Variants in POLDIP2 observed in about 807,000 individuals in gnomAD.
POLDIP2 encodes DNA polymerase delta interacting protein 2, also known as polymerase delta-interacting protein 2.
Under a neutral mutation model 52.9 loss-of-function variants are expected in POLDIP2, and 32 were observed. That is an observed-to-expected ratio of 0.61 (90% CI 0.46 to 0.81). The LOEUF is 0.81. Ranked by LOEUF, POLDIP2 falls within the 40% of genes least tolerant of loss-of-function variation. The pLI is 0.00. For missense variants in POLDIP2, 371 were observed against 477.3 expected, an observed-to-expected ratio of 0.78 and a Z score of 2.07; for synonymous variants, 183 against 183.0, an observed-to-expected ratio of 1.00 and a Z score of 0.00.
At position 28,351,699 on chromosome 17, in the gene POLDIP2, G is replaced by A; in HGVS notation, c.724C>T (p.Arg242Cys). ...DVHRETTENI[R>C]VTVIPFYMGM... ...ATGTAGAAGGGGATGACAGTGACAC[G>A]TATGTTCTCAGTTGTTTCCCGATGA... Residue 242 changes from arginine to cysteine, a missense_variant, in exon 7 of 11, where the codon CGT (arginine) becomes TGT (cysteine). Coordinates refer to ENST00000540200, the MANE Select transcript of POLDIP2 (RefSeq NM_015584.5). 1.9e-6 allele frequency: 3 copies of A among 1,613,830 alleles called. No homozygotes were observed. Among genetic ancestry groups the A allele is most frequent in the Non-Finnish European group, 2.5e-6 (3 of 1,179,742 alleles).
intron 6 of POLDIP2, among the ~76,000 whole-genome samples, chr17:28,352,311 CACT>C (rs1907830125): frequency 7.7e-6 from 1 of 129,122 alleles, no homozygotes; most frequent in South Asian, 2.5e-4. Context: ...GATCTCAGCT[CACT>C]ACAACCTGTG....
Position 28,350,552 on chromosome 17 carries a change from A to G in POLDIP2, c.798T>C (p.Cys266=). Residue 266 remains cysteine (C), a synonymous_variant, in exon 9 of 11, where the codon TGT becomes TGC. Transcript: ENST00000540200. ...QNSHVYWWRY[C]IRLENLDSDV... is the part of the protein sequence containing the mutation. The stretch of plus-strand genomic sequence containing the variant: ...CACTGTCAAGGTTCTCCAAACGGAT[A>G]CAGTAGCGCCACTGAGGTGGGTGTG... 6.2e-7 allele frequency: 1 copy of G among 1,613,314 alleles called. No homozygotes were observed. The highest frequency in any genetic ancestry group is 8.5e-7 in the Non-Finnish European group (1 of 1,179,662).
rs1488475384 is a variant in POLDIP2 at position 28,347,734 on chromosome 17, C to T, written c.*383G>A. ...GGGCAGCAAAGAAAGCAGTCAAGGG[C>T]GCACACTGGGTCAGAAGGGGAGCCT... On this transcript the variant is annotated 3_prime_UTR_variant, in exon 11 of 11. Transcript: ENST00000540200. 2.3e-5 allele frequency: 4 copies of T among 174,256 alleles called. No homozygotes were observed. Among genetic ancestry groups the T allele is most frequent in the Admixed American group, 5.8e-5 (1 of 17,134 alleles). The allele number at this position is 174,256 out of a possible 1,614,324, so 10.8% of individuals were successfully genotyped here.
intron 9 of POLDIP2, among the ~76,000 whole-genome samples, chr17:28,349,364 G>C (rs1907708730): frequency 6.6e-6 from 1 of 150,410 alleles, no homozygotes; most frequent in African/African-American, 2.5e-5. Context: ...CTTTTATGCT[G>C]GCTCTGGGAA....
At chr17:28,352,283 G>A (rs1597800542) in intron 6 of POLDIP2, among the ~76,000 whole-genome samples, 1 of 117,910 alleles carries the variant, frequency 8.5e-6, no homozygotes, top group Admixed American at 1.2e-4. Context: ...CTGTTGCCGG[G>A]ATGGAGTGCG....
rs1555581220 is a variant in POLDIP2, at chr17:28,357,426, C to T, written c.23G>A (p.Arg8Gln). 6.7e-7 allele frequency: 1 copy of T among 1,496,848 alleles called. No homozygotes were observed. The allele number at this position is 1,496,848 out of a possible 1,614,324, so 92.7% of individuals were successfully genotyped here. A position where few individuals can be genotyped will look rare whatever the true frequency, so the allele number is the denominator to read the frequency against. The change falls in exon 1 of 11, where the codon CGG (arginine) becomes CAG (glutamine). Residue 8 changes from arginine (R) to glutamine (Q), a missense_variant. Arg to Gln is a conservative substitution (Grantham distance 43, BLOSUM62 1). Coordinates refer to ENST00000540200, the MANE Select transcript of POLDIP2 (RefSeq NM_015584.5). ...CCAGCGGCTGCCCACGGCCAGGGCC[C>T]GCCGGGCTGTACAGGCTGCCATGTC... is the stretch of plus-strand genomic sequence containing the variant. The part of the protein sequence containing the change: MAACTAR[R>Q]ALAVGSRWWS...
chr17:28,354,517 G>A lies in POLDIP2; in HGVS notation c.312C>T (p.Asp104=). The A allele has an allele frequency of 1.3e-6, 2 of 1,559,966 alleles. No individual in the cohort carries two copies. Among genetic ancestry groups the A allele is most frequent in the Non-Finnish European group, 1.7e-6 (2 of 1,151,836 alleles). The part of the protein sequence containing the change: ...VLFPWQARLY[D]RDVASAAPEK... ...CTGGAGCTGCAGAAGCCACATCCCGGTCATACAGTCTGGCCTGCCAGGGAA... is the reference window on the plus strand; with the variant it reads ...CTGGAGCTGCAGAAGCCACATCCCGATCATACAGTCTGGCCTGCCAGGGAA... Residue 104 remains aspartate, a synonymous_variant, in exon 3 of 11, where the codon GAC becomes GAT. Transcript: ENST00000540200.
rs1907608987 is a variant in POLDIP2, at chr17:28,347,187, T to C, written c.*930A>G. ...GACTAAGGACAAGAATAACAAGGGCTGGAACTGTGATTTAATATTAATTCA... is the reference window on the plus strand; with the variant it reads ...GACTAAGGACAAGAATAACAAGGGCCGGAACTGTGATTTAATATTAATTCA... On this transcript the variant is annotated 3_prime_UTR_variant, in exon 11 of 11. Transcript: ENST00000540200. 1 of 152,220 alleles carries C rather than the reference T, an allele frequency of 6.6e-6. No individual in the cohort carries two copies. Among genetic ancestry groups the C allele is most frequent in the Admixed American group, 6.5e-5 (1 of 15,288 alleles). The allele number at this position is 152,220 out of a possible 1,614,324, so 9.4% of individuals were successfully genotyped here.
chr17:28,349,257 G>T, intron 9 of POLDIP2, 95 bp from the exon 10 acceptor site: 1 of 817,384 alleles, frequency 1.2e-6, no homozygotes. Flanking sequence ...CATCAAGACT[G>T]GATGTCCCCT....
intron 6 of POLDIP2, among the ~76,000 whole-genome samples, chr17:28,352,237 C>CTTTTGTTTTTT (rs1907823503): frequency 1.1e-5 from 1 of 87,682 alleles, no homozygotes; most frequent in Non-Finnish European, 2.0e-5. Flanking sequence ...GGAATTATTT[C>CTTTTGTTTTTT]TTTTTTTTTT....
At chr17:28,353,958 T>G (rs532435280) in intron 3 of POLDIP2, among the ~76,000 whole-genome samples, 167 bp from the exon 4 acceptor site, 1 of 152,142 alleles carries the variant, frequency 6.6e-6, no homozygotes, top group Admixed American at 6.6e-5. Context: ...TGCTCCTCAG[T>G]TGGGGCAAAT....
At chr17:28,353,367 CA>C (rs1907887566) in intron 4 of POLDIP2, 51 bp from the exon 5 acceptor site, 1 of 1,011,836 alleles carries the variant, frequency 9.9e-7, no homozygotes, top group Non-Finnish European at 1.5e-6. Flanking sequence ...CTAAAAAGTA[CA>C]AAAATTAGGC....
intron 2 of POLDIP2, among the ~76,000 whole-genome samples, chr17:28,355,292 G>A (rs1555580682): frequency 6.6e-6 from 1 of 152,216 alleles, no homozygotes; most frequent in Non-Finnish European, 1.5e-5. Flanking sequence ...AAATCCAGGA[G>A]AACAGAAACC....
At position 28,348,345 on chromosome 17, in the gene POLDIP2, C is replaced by CT. The variant is rs1466080118; in HGVS notation, c.993-115dup. ...CAGAGGACATGTGAGCCTGAGCTCT[C>CT]TTCTATCTCTAGCTCATGACAGGAT... On this transcript the variant is annotated intron_variant, in intron 10 of 10. Coordinates refer to ENST00000540200, the MANE Select transcript of POLDIP2 (RefSeq NM_015584.5). 1.7e-5 allele frequency: 11 copies of CT among 659,930 alleles called. No homozygotes were observed. The Admixed American group carries it at 2.9e-4, about 17-fold the overall frequency. 40.9% of individuals were successfully genotyped at this position (659,930 alleles called of 1,614,324 possible). A position where few individuals can be genotyped will look rare whatever the true frequency, so the allele number is the denominator to read the frequency against.
At position 28,357,441 on chromosome 17, in the gene POLDIP2, G is replaced by T. The variant is rs1908107531; in HGVS notation, c.8C>A (p.Ala3Asp). Residue 3 changes from alanine to aspartate, a missense_variant, in exon 1 of 11, where the codon GCC (alanine) becomes GAC (aspartate). By Grantham distance (126) the Ala-to-Asp change is moderately radical. Coordinates refer to ENST00000540200, the MANE Select transcript of POLDIP2 (RefSeq NM_015584.5). The part of the protein sequence containing the change: MA[A>D]CTARRALAVG... Reference sequence around the variant, plus strand: ...GGCCAGGGCCCGCCGGGCTGTACAGGCTGCCATGTCCCGCCCGAGCGCCCG... The same window carrying T: ...GGCCAGGGCCCGCCGGGCTGTACAGTCTGCCATGTCCCGCCCGAGCGCCCG... The T allele has an allele frequency of 6.8e-7, 1 of 1,473,410 alleles. No individual in the cohort carries two copies. Among genetic ancestry groups the T allele is most frequent in the African/African-American group, 1.5e-5 (1 of 67,990 alleles). 91.3% of individuals were successfully genotyped at this position (1,473,410 alleles called of 1,614,324 possible). A position where few individuals can be genotyped will look rare whatever the true frequency, so the allele number is the denominator to read the frequency against.
intron 3 of POLDIP2, 62 bp downstream of exon 3, chr17:28,354,426 A>G (rs1381085123): frequency 1.4e-5 from 16 of 1,182,442 alleles, no homozygotes; most frequent in Admixed American, 2.0e-5. Flanking sequence ...TAGTACCCCA[A>G]TTACATATGT....
chr17:28,349,258 G>T, intron 9 of POLDIP2, 96 bp from the exon 10 acceptor site: 1 of 811,370 alleles, frequency 1.2e-6, no homozygotes. Flanking sequence ...ATCAAGACTG[G>T]ATGTCCCCTA....
At chr17:28,351,572 T>C (rs534832932) in intron 7 of POLDIP2, 92 bp downstream of exon 7, 1 of 1,223,742 alleles carries the variant, frequency 8.2e-7, no homozygotes, top group East Asian at 2.5e-5. Flanking sequence ...ACATGGTTTA[T>C]ATTTAGACTC....
chr17:28,354,649 AC>A, intron 2 of POLDIP2, 64 bp from the exon 3 acceptor site: 1 of 1,094,300 alleles, frequency 9.1e-7, no homozygotes, highest in Non-Finnish European at 1.4e-6. Flanking sequence ...TGGGCCCCAG[AC>A]CACAAAGCAA....
Sources: gnomAD v4.1 joint callset for allele counts (sites outside exome capture counted in the v4.1 genomes callset) on GRCh38, gnomAD v4.1.1 for gene constraint, MANE v1.5 for transcripts, NCBI Gene and HGNC (gene_info 2026-07-23, HGNC 2026-07-21) for gene names.